Variants in ARHGAP8 observed in about 807,000 individuals in gnomAD.
The protein encoded by ARHGAP8 is Rho GTPase activating protein 8.
ARHGAP8 carries 62 observed loss-of-function variants against 46.1 expected under a neutral mutation model. That is an observed-to-expected ratio of 1.34 (90% CI 1.10 to 1.66). The LOEUF is 1.66. Among genes scored for constraint, ARHGAP8 ranks in the 40% most tolerant of loss-of-function variants. ARHGAP8 has a pLI of 0.00. For synonymous variants in ARHGAP8, 375 were observed against 243.1 expected, an observed-to-expected ratio of 1.54 and a Z score of -5.05; for missense variants, 923 against 568.4, an observed-to-expected ratio of 1.62 and a Z score of -6.34.
At chr22:44,831,591 C>CG (rs1930951342) in intron 7 of ARHGAP8, among the ~76,000 whole-genome samples, 2 of 152,074 alleles carry the variant, frequency 1.3e-5, no homozygotes, top group Non-Finnish European at 2.9e-5. Context: ...CCCAGCTACT[C>CG]CGGGGACTGA....
At chr22:44,836,143 A>T (rs1931269788) in intron 7 of ARHGAP8, among the ~76,000 whole-genome samples, 1 of 152,148 alleles carries the variant, frequency 6.6e-6, no homozygotes, top group Non-Finnish European at 1.5e-5. Context: ...ACAGGATTCC[A>T]GTGCCTTGTT....
intron 10 of ARHGAP8, chr22:44,849,333 T>TG (rs985551167): frequency 1.9e-5 from 9 of 475,052 alleles, no homozygotes; most frequent in Admixed American, 3.6e-5. Flanking sequence ...GGCAGGGTGA[T>TG]GGGGGGCTCT....
intron 6 of ARHGAP8, among the ~76,000 whole-genome samples, chr22:44,824,116 G>C (rs1363524116): frequency 2.0e-5 from 3 of 152,170 alleles, no homozygotes; most frequent in Non-Finnish European, 4.4e-5. Flanking sequence ...CAGAGGCTGA[G>C]ACCCACTGGC....
At chr22:44,801,868 C>A in intron 2 of ARHGAP8, 2 of 593,722 alleles carry the variant, frequency 3.4e-6, no homozygotes, top group Non-Finnish European at 6.0e-6. Flanking sequence ...TTATTTCCAG[C>A]GTACGGCTGG....
rs771876109 is a variant in ARHGAP8 at position 44,862,442 on chromosome 22, C to T, written c.1149C>T (p.Thr383=). 41 of 1,613,880 alleles carry T rather than the reference C, an allele frequency of 2.5e-5. No individual in the cohort carries two copies. Among genetic ancestry groups the T allele is most frequent in the Non-Finnish European group, 3.3e-5 (39 of 1,179,992 alleles). The change falls in exon 12 of 12, where the codon ACC becomes ACT. Residue 383 remains threonine, a synonymous_variant. Coordinates refer to ENST00000356099, the MANE Select transcript of ARHGAP8 (RefSeq NM_181335.3). ...LIEYYEKIFS[T]PEAPGEHGLA... is the part of the protein sequence containing the mutation. ...AGTACTATGAAAAGATCTTCAGCAC[C>T]CCGGAGGCACCTGGGGAGCACGGCC...
chr22:44,775,598 C>T (rs990554187), intron 1 of ARHGAP8, among the ~76,000 whole-genome samples: 2 of 152,136 alleles, frequency 1.3e-5, no homozygotes, highest in Non-Finnish European at 2.9e-5. Context: ...CAGGCATGTG[C>T]CACCACGCCC....
chr22:44,812,513 C>A (rs1169853497), intron 4 of ARHGAP8, among the ~76,000 whole-genome samples: 3 of 151,874 alleles, frequency 2.0e-5, no homozygotes, highest in Non-Finnish European at 4.4e-5. Context: ...TGCACTACCA[C>A]GCCCGGCTAA....
intron 9 of ARHGAP8, 102 bp downstream of exon 9, chr22:44,848,152 AC>A (rs2147165638): frequency 4.0e-6 from 6 of 1,488,434 alleles, no homozygotes; most frequent in Non-Finnish European, 4.5e-6. Context: ...CCCGCAACCC[AC>A]CCAACTCCCA....
intron 8 of ARHGAP8, among the ~76,000 whole-genome samples, chr22:44,847,169 G>A (rs2069978469): frequency 6.6e-6 from 1 of 152,236 alleles, no homozygotes; most frequent in South Asian, 2.1e-4. Context: ...GGCCCCCCAA[G>A]GGCAGGCTCA....
chr22:44,856,330 G>A (rs550680923), intron 10 of ARHGAP8, among the ~76,000 whole-genome samples: 11 of 130,884 alleles, frequency 8.4e-5, no homozygotes, highest in Admixed American at 2.7e-4. Flanking sequence ...AGAGTGCAGT[G>A]GCTGAGATTC....
At chr22:44,839,478 C>G (rs1931509496) in intron 7 of ARHGAP8, among the ~76,000 whole-genome samples, 1 of 152,186 alleles carries the variant, frequency 6.6e-6, no homozygotes, top group Non-Finnish European at 1.5e-5. Context: ...CTAAAGCACA[C>G]TCGATACCAT....
At chr22:44,802,264 G>A in intron 3 of ARHGAP8, 100 bp downstream of exon 3, 1 of 1,463,214 alleles carries the variant, frequency 6.8e-7, no homozygotes. Context: ...TGTGGTCTGG[G>A]GCCTCCTTTG....
In ARHGAP8 at chr22:44,806,268, C is replaced by T. The variant is rs531962599; in HGVS notation, c.168-2039C>T. ...AGGATGACCTTGGTGAAGTATGCCC[C>T]GGTGGCTTAGCCCACATGGTGTTCG... On this transcript the variant is annotated intron_variant, in intron 3 of 11. Coordinates refer to ENST00000356099, the MANE Select transcript of ARHGAP8 (RefSeq NM_181335.3). 5.9e-5 allele frequency among the ~76,000 whole-genome samples: 9 copies of T among 152,236 alleles called. No individual in the cohort carries two copies. In the South Asian group the frequency reaches 1.0e-3, roughly 18 times the overall value.
chr22:44,860,399 T>C (rs367632942), intron 11 of ARHGAP8, among the ~76,000 whole-genome samples: 26 of 152,000 alleles, frequency 1.7e-4, no homozygotes, highest in African/African-American at 5.1e-4. Context: ...TCCTGGTCAC[T>C]CCAGCTATGC....
chr22:44,775,823 G>T (rs761877952), intron 1 of ARHGAP8, among the ~76,000 whole-genome samples: 1 of 152,078 alleles, frequency 6.6e-6, no homozygotes, highest in East Asian at 1.9e-4. Context: ...TTTTTAATCA[G>T]TTTATCTATA....
chr22:44,801,718 A>T (rs1928566205), intron 2 of ARHGAP8: 1 of 238,268 alleles, frequency 4.2e-6, no homozygotes, highest in Admixed American at 5.2e-5. Context: ...GGGGGGTTGG[A>T]GGAGGAGGTA....
At chr22:44,861,901 C>G (rs916598475) in intron 11 of ARHGAP8, among the ~76,000 whole-genome samples, 4 of 152,176 alleles carry the variant, frequency 2.6e-5, no homozygotes, top group African/African-American at 4.8e-5. Context: ...CCCCATCATG[C>G]CCAGTTCGCC....
In ARHGAP8 at chr22:44,859,638, G is replaced by C. The variant is rs767934999; in HGVS notation, c.878-93G>C. 3 of 1,391,162 alleles carry C rather than the reference G, an allele frequency of 2.2e-6. No homozygotes were observed. In the Admixed American group the frequency reaches 5.7e-5, roughly 26 times the overall value. 86.2% of individuals were successfully genotyped at this position (1,391,162 alleles called of 1,614,324 possible). On this transcript the variant is annotated intron_variant, in intron 10 of 11. Coordinates refer to ENST00000356099, the MANE Select transcript of ARHGAP8 (RefSeq NM_181335.3). Reference sequence around the variant, plus strand: ...TGTGGGATAGTCCATCCTCAGAGCTGTCCTTCCTACACCCCTGTTCTCCTC... The same window carrying C: ...TGTGGGATAGTCCATCCTCAGAGCTCTCCTTCCTACACCCCTGTTCTCCTC...
chr22:44,793,353 G>C (rs1263131906), intron 2 of ARHGAP8, among the ~76,000 whole-genome samples: 5 of 152,114 alleles, frequency 3.3e-5, no homozygotes, highest in South Asian at 2.1e-4. Context: ...AGTGGCAGGG[G>C]AGAGGGAGAG....
Sources: allele counts gnomAD v4.1 joint callset (sites outside exome capture counted in the v4.1 genomes callset), GRCh38; gene constraint gnomAD v4.1.1; transcripts MANE v1.5; gene names NCBI Gene and HGNC (gene_info 2026-07-23, HGNC 2026-07-21).